ADGRB3: variants seen among roughly 807,000 people sequenced by gnomAD.
ADGRB3 encodes adhesion G protein-coupled receptor B3.
ADGRB3 carries 37 observed loss-of-function variants against 193.4 expected under a neutral mutation model. The ratio of observed to expected loss-of-function variants is 0.19; its 90% CI spans 0.15 to 0.25. The LOEUF is 0.25. Among genes scored for constraint, ADGRB3 ranks in the 10% least tolerant of loss-of-function variants. The pLI is 1.00. For missense variants in ADGRB3, 1,637 were observed against 1,852.9 expected (o/e 0.88, Z 2.14); for synonymous variants, 690 against 644.2 (o/e 1.07, Z -1.08).
chr6:68,654,812 G>A (rs959854415), intron 3 of ADGRB3, among the ~76,000 whole-genome samples: 1 of 151,808 alleles, frequency 6.6e-6, no homozygotes, highest in Non-Finnish European at 1.5e-5. Context: ...TGCAAAGGAA[G>A]CTTTAAATTT....
chr6:69,025,329 T>G (rs1464984686), intron 13 of ADGRB3, among the ~76,000 whole-genome samples: 1 of 152,114 alleles, frequency 6.6e-6, no homozygotes, highest in East Asian at 1.9e-4. Flanking sequence ...TCTTGTTCTT[T>G]AATAGAGAAA....
In ADGRB3 at chr6:69,195,711, T is replaced by G. The variant is rs576319509; in HGVS notation, c.2481-37579T>G. Among the ~76,000 whole-genome samples, 82 of 152,194 alleles carry G rather than the reference T, an allele frequency of 5.4e-4. 1 individual carries two copies. Among genetic ancestry groups the G allele is most frequent in the East Asian group, 2.7e-3 (14 of 5,176 alleles). On this transcript the variant is annotated intron_variant, in intron 17 of 31. Transcript: ENST00000370598. Reference sequence around the variant, plus strand: ...GAGAAACCAATACACAAAGTTTTTTTTTTGTTTGTTTTTGTTTTTAATACA... The same window carrying G: ...GAGAAACCAATACACAAAGTTTTTTGTTTGTTTGTTTTTGTTTTTAATACA...
At position 69,158,797 on chromosome 6, in the gene ADGRB3, A is replaced by C. The variant is rs199816669; in HGVS notation, c.2481-74493A>C. Among the ~76,000 whole-genome samples, 15 of 152,198 alleles carry C rather than the reference A, an allele frequency of 9.9e-5. No homozygotes were observed. In the East Asian group the frequency reaches 2.7e-3, roughly 27 times the overall value. On this transcript the variant is annotated intron_variant, in intron 17 of 31. Transcript: ENST00000370598. ...TCTACTTCAAAGGGATCATAAGAGC[A>C]CTTGAGGGAGCTGGTCTTCTTGCAA...
chr6:69,149,246 C>T (rs2343259), intron 17 of ADGRB3, among the ~76,000 whole-genome samples: 21 of 151,624 alleles, frequency 1.4e-4, no homozygotes, highest in African/African-American at 5.1e-4. Flanking sequence ...CCTTTTATTT[C>T]CTCTGACTGT....
At chr6:69,251,074 A>G (rs984031977) in intron 20 of ADGRB3, among the ~76,000 whole-genome samples, 1 of 152,186 alleles carries the variant, frequency 6.6e-6, no homozygotes, top group East Asian at 1.9e-4. Context: ...TCAAGTGACC[A>G]TTATTCTGGT....
chr6:68,785,260 CT>C (rs551008307), intron 3 of ADGRB3, among the ~76,000 whole-genome samples: 72 of 151,334 alleles, frequency 4.8e-4, no homozygotes, highest in African/African-American at 1.7e-3. Flanking sequence ...CACCCATTAA[CT>C]CGTCATTTAG....
chr6:69,363,076 G>T (rs982244847), intron 29 of ADGRB3, among the ~76,000 whole-genome samples: 55 of 152,052 alleles, frequency 3.6e-4, no homozygotes, highest in Admixed American at 7.9e-4. Context: ...TGAAAATTTT[G>T]CTGGATTGAT....
intron 19 of ADGRB3, 150 bp from the exon 20 acceptor site, chr6:69,238,974 T>G (rs1766330688): frequency 4.9e-6 from 2 of 409,870 alleles, no homozygotes; most frequent in Non-Finnish European, 8.5e-6. Flanking sequence ...TTTTTTATTT[T>G]AGAAACTATT....
At chr6:69,249,436 A>G (rs1249730942) in intron 20 of ADGRB3, among the ~76,000 whole-genome samples, 2 of 152,222 alleles carry the variant, frequency 1.3e-5, no homozygotes, top group East Asian at 3.8e-4. Context: ...GTAGCTAACA[A>G]ATACCCAGTG....
chr6:68,807,300 C>T (rs1213554384), intron 3 of ADGRB3, among the ~76,000 whole-genome samples: 6 of 137,168 alleles, frequency 4.4e-5, no homozygotes, highest in Admixed American at 8.3e-5. Context: ...CAGTGTGGCG[C>T]GATCTCAGCT....
chr6:69,220,439 T>C (rs1231400205), intron 17 of ADGRB3, among the ~76,000 whole-genome samples: 1 of 152,116 alleles, frequency 6.6e-6, no homozygotes, highest in Non-Finnish European at 1.5e-5. Flanking sequence ...ACAGTTTCTG[T>C]GCATACCAAA....
chr6:68,838,514 T>C (rs569272), intron 3 of ADGRB3, among the ~76,000 whole-genome samples: 132,874 of 152,172 alleles, frequency 0.87, 58,279 homozygotes, highest in Middle Eastern at 0.94. Flanking sequence ...GCGTCATTTT[T>C]CAAATACTAC....
chr6:68,735,720 G>A (rs1001830548), intron 3 of ADGRB3, among the ~76,000 whole-genome samples: 5 of 151,956 alleles, frequency 3.3e-5, no homozygotes, highest in Non-Finnish European at 5.9e-5. Context: ...TTCCATGGAC[G>A]CTTATGGCAT....
chr6:68,954,883 G>T (rs542491348), intron 6 of ADGRB3, among the ~76,000 whole-genome samples: 1 of 151,802 alleles, frequency 6.6e-6, no homozygotes, highest in African/African-American at 2.4e-5. Context: ...GGGTTTCACC[G>T]TGTTAGCCAG....
chr6:68,709,606 G>T (rs1358972010), intron 3 of ADGRB3, among the ~76,000 whole-genome samples: 1 of 152,130 alleles, frequency 6.6e-6, no homozygotes, highest in East Asian at 1.9e-4. Context: ...TGTGGAGCTT[G>T]TCCATGTGAT....
At chr6:69,233,232 G>T in intron 17 of ADGRB3, 58 bp from the exon 18 acceptor site, 2 of 1,586,476 alleles carry the variant, frequency 1.3e-6, no homozygotes, top group South Asian at 1.1e-5. Flanking sequence ...TCTTCTTTAC[G>T]GATTTGGCTA....
intron 20 of ADGRB3, among the ~76,000 whole-genome samples, chr6:69,313,680 A>G (rs763701557): frequency 1.3e-5 from 2 of 151,880 alleles, no homozygotes; most frequent in East Asian, 3.9e-4. Flanking sequence ...GATTTCCTCT[A>G]CAGATAAAGA....
chr6:68,763,692 A>G (rs529743113), intron 3 of ADGRB3, among the ~76,000 whole-genome samples: 1 of 152,332 alleles, frequency 6.6e-6, no homozygotes, highest in Non-Finnish European at 1.5e-5. Context: ...AAGGATAATC[A>G]CACTTTATAT....
chr6:68,637,992 A>C (rs1179213807), intron 2 of ADGRB3, among the ~76,000 whole-genome samples: 2 of 152,234 alleles, frequency 1.3e-5, no homozygotes, highest in Admixed American at 6.5e-5. Flanking sequence ...ATGGTTTTAA[A>C]ATTAACTAAT....
Sources: gnomAD v4.1 joint callset for allele counts (sites outside exome capture counted in the v4.1 genomes callset) on GRCh38, gnomAD v4.1.1 for gene constraint, MANE v1.5 for transcripts, NCBI Gene and HGNC (gene_info 2026-07-23, HGNC 2026-07-21) for gene names.